The following SPARC variants were observed in gnomAD, a reference collection of about 807,000 sequenced individuals.
SPARC encodes the protein basement-membrane protein 40.
Under a neutral mutation model 37.7 loss-of-function variants are expected in SPARC, and 23 were observed. The ratio of observed to expected loss-of-function variants is 0.61; its 90% CI spans 0.44 to 0.87. SPARC has a LOEUF of 0.87. SPARC is among the 40% of genes least tolerant of loss of function. The pLI, the probability that SPARC is intolerant of heterozygous loss-of-function variation, is 0.00. For missense variants in SPARC, 312 were observed against 389.0 expected, an observed-to-expected ratio of 0.80 and a Z score of 1.66; for synonymous variants, 155 against 150.8, an observed-to-expected ratio of 1.03 and a Z score of -0.20.
Position 151,680,216 on chromosome 5 carries a change from C to CTTTTTTTTTTTTT in SPARC, c.-13-4028_-13-4016dup, listed in dbSNP as rs58021431. Among the ~76,000 whole-genome samples the CTTTTTTTTTTTTT allele has an allele frequency of 1.1e-3, 69 of 61,978 alleles. 20 individuals are homozygous for CTTTTTTTTTTTTT. The highest frequency in any genetic ancestry group is 4.0e-3 in the African/African-American group (54 of 13,350). 40.7% of individuals were successfully genotyped at this position (61,978 alleles called of 152,430 possible). On this transcript the variant is annotated intron_variant, in intron 1 of 9. Transcript: ENST00000231061. ...TGCAATAGAGAATAGTGGAAAACAT[C>CTTTTTTTTTTTTT]TTTTTTTTTTTTTTTTTTTTTTTTT...
intron 5 of SPARC, among the ~76,000 whole-genome samples, chr5:151,670,858 G>A (rs1041451974): frequency 1.8e-4 from 27 of 152,154 alleles, no homozygotes; most frequent in African/African-American, 6.0e-4. Flanking sequence ...ATTAAAATGT[G>A]GAGCCCAGAG....
rs1213296052 is a variant in SPARC at position 151,669,695 on chromosome 5, C to G, written c.420G>C (p.Lys140Asn). Residue 140 changes from lysine to asparagine, a missense_variant, in exon 6 of 10, where the codon AAG becomes AAC. Physicochemically the swap from Lys to Asn is moderately conservative, Grantham distance 94. Transcript: ENST00000231061. The stretch of plus-strand genomic sequence containing the variant: ...AAGGCCCGATGTAGTCCAGGTGGAG[C>G]TTGTGGCCCTTCTTGGTGCCCTCCA... Reference protein sequence around the residue: ...CTLEGTKKGHKLHLDYIGPCK... With the variant: ...CTLEGTKKGHNLHLDYIGPCK... 1 of 1,614,200 alleles carries G rather than the reference C, an allele frequency of 6.2e-7. No homozygotes were observed. Among genetic ancestry groups the G allele is most frequent in the Admixed American group, 1.7e-5 (1 of 60,028 alleles).
At chr5:151,674,736 G>A in intron 2 of SPARC, 62 bp from the exon 3 acceptor site, 1 of 1,544,576 alleles carries the variant, frequency 6.5e-7, no homozygotes, top group Middle Eastern at 1.7e-4. Context: ...CACCTCCAAA[G>A]TGCCTGTGGC....
At chr5:151,681,634 G>A (rs896262091) in intron 1 of SPARC, among the ~76,000 whole-genome samples, 11 of 152,244 alleles carry the variant, frequency 7.2e-5, no homozygotes, top group Admixed American at 3.9e-4. Context: ...GCTCACGCCT[G>A]TAATCCCAGC....
intron 1 of SPARC, among the ~76,000 whole-genome samples, chr5:151,684,855 A>G (rs963586467): frequency 2.0e-4 from 30 of 152,222 alleles, no homozygotes; most frequent in African/African-American, 7.0e-4. Flanking sequence ...TTCAGGGCAC[A>G]GCCAGAGCTA....
chr5:151,681,272 C>T (rs1000897134), intron 1 of SPARC, among the ~76,000 whole-genome samples: 21 of 152,220 alleles, frequency 1.4e-4, no homozygotes, highest in African/African-American at 5.1e-4. Context: ...CCACATGCAG[C>T]TACAATGGCA....
chr5:151,680,194 AAT>A (rs1429707855), intron 1 of SPARC, among the ~76,000 whole-genome samples: 1 of 150,244 alleles, frequency 6.7e-6, no homozygotes, highest in Non-Finnish European at 1.5e-5. Context: ...GAAATACTGC[AAT>A]AGAGAATAGT....
rs1479470368 is a variant in SPARC, at chr5:151,671,632, G to A, written c.271C>T (p.Pro91Ser). The change falls in exon 5 of 10, where the codon CCC becomes TCC. Residue 91 changes from proline (P) to serine (S), a missense_variant. Pro to Ser is a moderately conservative substitution (Grantham distance 74). Transcript: ENST00000231061. ...KVCELDENNTPMCVCQDPTSC... is the reference protein window; with the variant it reads ...KVCELDENNTSMCVCQDPTSC... ...GTGGGGTCCTGGCACACGCACATGG[G>A]GGTGTTGTTCTCATCCAGCTCGCAC... 4 of 1,609,696 alleles carry A rather than the reference G, an allele frequency of 2.5e-6. No homozygotes were observed. The highest frequency in any genetic ancestry group is 3.4e-6 in the Non-Finnish European group (4 of 1,177,754).
At chr5:151,681,246 C>A (rs1432168233) in intron 1 of SPARC, among the ~76,000 whole-genome samples, 1 of 152,060 alleles carries the variant, frequency 6.6e-6, no homozygotes, top group Non-Finnish European at 1.5e-5. Context: ...CCGAGCCAGG[C>A]AGGCCAGAGA....
intron 1 of SPARC, among the ~76,000 whole-genome samples, chr5:151,685,422 T>TCTCACACACA (rs1216324359): frequency 4.2e-4 from 59 of 140,518 alleles, no homozygotes; most frequent in African/African-American, 1.3e-3. Context: ...CCTCTCTCTC[T>TCTCACACACA]CACACACACA....
At chr5:151,678,409 AC>A (rs1439090446) in intron 1 of SPARC, among the ~76,000 whole-genome samples, 4 of 151,756 alleles carry the variant, frequency 2.6e-5, no homozygotes, top group Admixed American at 6.6e-5. Context: ...CCTCCCTGCC[AC>A]CCCCATCCCT....
intron 3 of SPARC, among the ~76,000 whole-genome samples, 190 bp downstream of exon 3, chr5:151,674,422 T>A (rs1028014421): frequency 2.0e-5 from 3 of 152,142 alleles, no homozygotes; most frequent in Non-Finnish European, 4.4e-5. Context: ...TAGGGTTCCG[T>A]TGAAGGTTTG....
chr5:151,671,223 C>T (rs182077767), intron 5 of SPARC, among the ~76,000 whole-genome samples: 3 of 152,278 alleles, frequency 2.0e-5, no homozygotes, highest in Admixed American at 1.3e-4. Flanking sequence ...AATCTCACAC[C>T]TAATAAGTGA....
intron 9 of SPARC, 84 bp from the exon 10 acceptor site, chr5:151,663,683 C>T: frequency 7.2e-7 from 1 of 1,382,356 alleles, no homozygotes; most frequent in South Asian, 1.2e-5. Flanking sequence ...GACTCCCACC[C>T]ATCCCCAGGG....
chr5:151,686,580 CAG>C (rs1408243628), intron 1 of SPARC: 1 of 152,124 alleles, frequency 6.6e-6, no homozygotes, highest in African/African-American at 2.4e-5. Flanking sequence ...GAGACAGACA[CAG>C]AGAAAAACAG....
Position 151,674,160 on chromosome 5 carries a change from C to T in SPARC, c.120+452G>A, listed in dbSNP as rs537694045. 4.1e-4 allele frequency among the ~76,000 whole-genome samples: 63 copies of T among 152,064 alleles called. 1 individual carries two copies. The South Asian group carries it at 0.012, about 30-fold the overall frequency. ...CCGAGTAGCTGGGATTACAGGCACC[C>T]GCCACCACGCCCAGCTAATTTTTTG... On this transcript the variant is annotated intron_variant, in intron 3 of 9. Transcript: ENST00000231061.
At chr5:151,667,098 C>T (rs558571090) in intron 7 of SPARC, among the ~76,000 whole-genome samples, 110 of 152,324 alleles carry the variant, frequency 7.2e-4, no homozygotes, top group African/African-American at 2.6e-3. Context: ...TCTAGAGACA[C>T]TGTTTCAGTG....
At chr5:151,683,761 A>G (rs1038875885) in intron 1 of SPARC, among the ~76,000 whole-genome samples, 2 of 152,218 alleles carry the variant, frequency 1.3e-5, no homozygotes, top group African/African-American at 4.8e-5. Context: ...TTTCACATTC[A>G]TTGAGATATA....
chr5:151,673,697 C>T (rs1760794284), intron 3 of SPARC, among the ~76,000 whole-genome samples: 1 of 152,180 alleles, frequency 6.6e-6, no homozygotes, highest in Admixed American at 6.5e-5. Context: ...CCTGGAAGCC[C>T]TCACTTCTCA....
Sources: gnomAD v4.1 joint callset for allele counts (sites outside exome capture counted in the v4.1 genomes callset) on GRCh38, gnomAD v4.1.1 for gene constraint, MANE v1.5 for transcripts, NCBI Gene and HGNC (gene_info 2026-07-23, HGNC 2026-07-21) for gene names.